Variants in PRKCE observed in about 807,000 individuals in gnomAD.
PRKCE encodes the protein protein kinase C epsilon, also known as protein kinase C epsilon type.
PRKCE carries 16 observed loss-of-function variants against 85.4 expected under a neutral mutation model. The observed-to-expected ratio is 0.19, with a 90% confidence interval of 0.13 to 0.28. The LOEUF (loss-of-function observed/expected upper bound fraction) is 0.28, where lower values mean the gene tolerates loss of function less well. Ranked by LOEUF, PRKCE falls within the 10% of genes least tolerant of loss-of-function variation. PRKCE has a pLI of 1.00. For synonymous variants in PRKCE, 388 were observed against 371.5 expected (o/e 1.04, Z -0.51); for missense variants, 573 against 975.2 (o/e 0.59, Z 5.49).
At chr2:45,720,862 A>C (rs1680559318) in intron 1 of PRKCE, among the ~76,000 whole-genome samples, 1 of 152,094 alleles carries the variant, frequency 6.6e-6, no homozygotes. Context: ...TAATCCCAGC[A>C]CTTTGGGAGG....
At chr2:45,926,360 A>G (rs1329305831) in intron 2 of PRKCE, among the ~76,000 whole-genome samples, 1 of 152,218 alleles carries the variant, frequency 6.6e-6, no homozygotes, top group African/African-American at 2.4e-5. Context: ...TTTCACAAGT[A>G]GGTTTCCATT....
In PRKCE at chr2:45,976,559, C is replaced by T. The variant is rs1702468382; in HGVS notation, c.543C>T (p.Thr181=). 1.3e-6 allele frequency: 2 copies of T among 1,599,788 alleles called. No individual in the cohort carries two copies. The highest frequency in any genetic ancestry group is 1.7e-6 in the Non-Finnish European group (2 of 1,179,966). ...KFMATYLRQP[T]YCSHCRDFIW... ...TGGCCACCTATCTTCGGCAGCCCAC[C>T]TACTGCTCCCATTGCAGAGACTTCA... Residue 181 remains threonine (T), a synonymous_variant, in exon 3 of 15, where the codon ACC becomes ACT. Coordinates refer to ENST00000306156, the MANE Select transcript of PRKCE (RefSeq NM_005400.3).
At chr2:45,979,927 G>T (rs575993901) in intron 4 of PRKCE, among the ~76,000 whole-genome samples, 1 of 152,238 alleles carries the variant, frequency 6.6e-6, no homozygotes, top group East Asian at 1.9e-4. Context: ...GGTCCCGAGT[G>T]GGGTGCGAGG....
chr2:45,804,403 C>A (rs62127182), intron 1 of PRKCE, among the ~76,000 whole-genome samples: 2,573 of 152,200 alleles, frequency 0.017, 33 homozygotes, highest in Non-Finnish European at 0.028. Flanking sequence ...CTGGGCATGC[C>A]GAGTCGAGGT....
chr2:45,940,613 C>T (rs1263367118), intron 2 of PRKCE, among the ~76,000 whole-genome samples: 2 of 152,238 alleles, frequency 1.3e-5, no homozygotes, highest in South Asian at 2.1e-4. Flanking sequence ...CACTGGTCCA[C>T]ACATACACTC....
At chr2:45,727,428 G>A (rs924330439) in intron 1 of PRKCE, among the ~76,000 whole-genome samples, 11 of 152,184 alleles carry the variant, frequency 7.2e-5, no homozygotes, top group Admixed American at 5.2e-4. Context: ...GGGGCTTCCC[G>A]GAGGACGGGG....
intron 1 of PRKCE, among the ~76,000 whole-genome samples, chr2:45,667,421 T>G (rs1031158757): frequency 1.3e-5 from 2 of 152,164 alleles, no homozygotes; most frequent in African/African-American, 2.4e-5. Context: ...GTGCTGGGAT[T>G]ATAGGCGTGA....
At chr2:45,661,527 T>TG (rs1018571593) in intron 1 of PRKCE, among the ~76,000 whole-genome samples, 25 of 126,744 alleles carry the variant, frequency 2.0e-4, no homozygotes, top group Admixed American at 2.4e-4. Context: ...TTTTTTGTTT[T>TG]TTGTTTTTTT....
At chr2:46,072,195 T>G (rs761952616) in intron 10 of PRKCE, among the ~76,000 whole-genome samples, 4 of 152,266 alleles carry the variant, frequency 2.6e-5, no homozygotes, top group Non-Finnish European at 5.9e-5. Context: ...TGAAGTGGTA[T>G]GGAAATCCTC....
intron 14 of PRKCE, among the ~76,000 whole-genome samples, chr2:46,180,129 G>A (rs926674632): frequency 3.3e-5 from 5 of 152,186 alleles, no homozygotes; most frequent in Non-Finnish European, 7.3e-5. Flanking sequence ...TAAGTTAGGA[G>A]AGATGGTGAG....
At chr2:45,886,798 G>C (rs1016178717) in intron 2 of PRKCE, among the ~76,000 whole-genome samples, 3 of 152,206 alleles carry the variant, frequency 2.0e-5, no homozygotes, top group African/African-American at 7.2e-5. Flanking sequence ...GACTTAGAAA[G>C]TGCCTTTAAA....
intron 10 of PRKCE, among the ~76,000 whole-genome samples, chr2:46,077,641 A>C (rs1420854234): frequency 2.0e-5 from 3 of 152,232 alleles, no homozygotes; most frequent in Non-Finnish European, 2.9e-5. Context: ...GGCTGAAAAC[A>C]TGTGAAAATG....
chr2:46,050,701 C>A (rs1259210610), intron 10 of PRKCE, among the ~76,000 whole-genome samples: 1 of 152,212 alleles, frequency 6.6e-6, no homozygotes, highest in Admixed American at 6.5e-5. Context: ...ACACTGCCAC[C>A]TGTGGCCTGC....
intron 2 of PRKCE, among the ~76,000 whole-genome samples, chr2:45,877,228 A>C (rs1477721857): frequency 1.3e-5 from 2 of 152,158 alleles, no homozygotes; most frequent in Non-Finnish European, 2.9e-5. Flanking sequence ...TTTAAAGATA[A>C]GGTCCCCTCA....
At chr2:45,919,598 A>G (rs78396202) in intron 2 of PRKCE, among the ~76,000 whole-genome samples, 1,793 of 152,326 alleles carry the variant, frequency 0.012, 44 homozygotes, top group African/African-American at 0.041. Context: ...GAGAACACCA[A>G]TAGGATCAGG....
chr2:45,720,976 A>G (rs4953244), intron 1 of PRKCE, among the ~76,000 whole-genome samples: 129,617 of 151,872 alleles, frequency 0.85, 55,642 homozygotes, highest in East Asian at 0.94. Context: ...GTGTGGTGGC[A>G]TGCACCTGTA....
chr2:45,849,627 C>G (rs541674514), intron 2 of PRKCE, among the ~76,000 whole-genome samples: 2 of 152,178 alleles, frequency 1.3e-5, no homozygotes, highest in African/African-American at 2.4e-5. Flanking sequence ...TTGTGCCTTA[C>G]GCAATAAGAT....
At chr2:45,882,305 C>G (rs1437634125) in intron 2 of PRKCE, among the ~76,000 whole-genome samples, 1 of 152,190 alleles carries the variant, frequency 6.6e-6, no homozygotes, top group Non-Finnish European at 1.5e-5. Context: ...TCCAAGACAG[C>G]TGCCGTATCT....
intron 2 of PRKCE, among the ~76,000 whole-genome samples, chr2:45,893,750 C>A (rs1203414546): frequency 3.3e-5 from 5 of 152,130 alleles, no homozygotes; most frequent in Non-Finnish European, 7.3e-5. Context: ...CATTGATCCC[C>A]CTGCAAATAC....
Sources: gnomAD v4.1 joint callset for allele counts (sites outside exome capture counted in the v4.1 genomes callset) on GRCh38, gnomAD v4.1.1 for gene constraint, MANE v1.5 for transcripts, NCBI Gene and HGNC (gene_info 2026-07-23, HGNC 2026-07-21) for gene names.